Variants in ST7 observed in about 807,000 individuals in gnomAD.
ST7 encodes suppressor of tumorigenicity 7 protein.
Under a neutral mutation model 78.7 loss-of-function variants are expected in ST7, and 28 were observed. That is an observed-to-expected ratio of 0.36 (90% CI 0.26 to 0.49). The LOEUF (loss-of-function observed/expected upper bound fraction) is 0.49, where lower values mean the gene tolerates loss of function less well. Ranked by LOEUF, ST7 falls within the 20% of genes least tolerant of loss-of-function variation. The pLI is 0.99. For synonymous variants in ST7, 247 were observed against 249.6 expected (o/e 0.99, Z 0.10); for missense variants, 418 against 696.0 (o/e 0.60, Z 4.49).
chr7:117,229,948 A>G lies in ST7; in HGVS notation c.*91A>G. The G allele has an allele frequency of 8.8e-7, 1 of 1,136,996 alleles. No individual in the cohort carries two copies. Among genetic ancestry groups the G allele is most frequent in the Non-Finnish European group, 1.3e-6 (1 of 744,180 alleles). The allele number at this position is 1,136,996 out of a possible 1,614,324, so 70.4% of individuals were successfully genotyped here. A position where few individuals can be genotyped will look rare whatever the true frequency, so the allele number is the denominator to read the frequency against. ...TGGACCGCAAGAAAGCATGACTTTGAAAAAGGGAAGCCATTCCGAGATTTT... is the reference window on the plus strand; with the variant it reads ...TGGACCGCAAGAAAGCATGACTTTGGAAAAGGGAAGCCATTCCGAGATTTT... On this transcript the variant is annotated 3_prime_UTR_variant, in exon 16 of 16. Transcript: ENST00000323984.
chr7:117,029,242 A>C (rs956309562), intron 1 of ST7, among the ~76,000 whole-genome samples: 2 of 152,132 alleles, frequency 1.3e-5, no homozygotes, highest in Non-Finnish European at 2.9e-5. Context: ...CTTGCTTCAA[A>C]TTCTTGCCAA....
intron 1 of ST7, among the ~76,000 whole-genome samples, chr7:116,973,168 G>C (rs1165556856): frequency 6.6e-6 from 1 of 151,776 alleles, no homozygotes; most frequent in African/African-American, 2.4e-5. Context: ...ATGATAGTGG[G>C]TTTTTCTTTT....
intron 1 of ST7, among the ~76,000 whole-genome samples, chr7:117,079,716 T>C (rs1799612818): frequency 6.6e-6 from 1 of 152,162 alleles, no homozygotes; most frequent in Non-Finnish European, 1.5e-5. Flanking sequence ...ATAAAACAAG[T>C]GTGTTTAAAA....
chr7:117,097,241 G>A (rs1363656128), intron 1 of ST7, among the ~76,000 whole-genome samples: 2 of 151,220 alleles, frequency 1.3e-5, no homozygotes, highest in African/African-American at 4.9e-5. Flanking sequence ...ATGGTGTTCA[G>A]TTTGTTTGCA....
At chr7:117,159,029 A>T (rs965288723) in intron 9 of ST7, among the ~76,000 whole-genome samples, 2 of 152,174 alleles carry the variant, frequency 1.3e-5, no homozygotes, top group Non-Finnish European at 2.9e-5. Context: ...GTATGTAAGA[A>T]TTTTCCCATT....
intron 1 of ST7, among the ~76,000 whole-genome samples, chr7:117,057,612 A>G (rs1031394178): frequency 3.3e-5 from 5 of 152,184 alleles, no homozygotes; most frequent in East Asian, 1.9e-4. Context: ...TAATTGCCCA[A>G]TTGAAGATGT....
chr7:117,051,333 A>T (rs978670183), intron 1 of ST7, among the ~76,000 whole-genome samples: 6 of 152,212 alleles, frequency 3.9e-5, no homozygotes, highest in African/African-American at 1.4e-4. Context: ...TGGTCAGAGA[A>T]AGCCTTTCTG....
intron 1 of ST7, among the ~76,000 whole-genome samples, chr7:117,030,887 A>G (rs1026326623): frequency 6.6e-6 from 1 of 152,174 alleles, no homozygotes; most frequent in Non-Finnish European, 1.5e-5. Context: ...ACATGCATGC[A>G]TATGTTCACT....
At chr7:116,955,876 A>G (rs1328296689) in intron 1 of ST7, among the ~76,000 whole-genome samples, 1 of 152,166 alleles carries the variant, frequency 6.6e-6, no homozygotes, top group Non-Finnish European at 1.5e-5. Context: ...AAATATGAAG[A>G]TGAACGTGCC....
At chr7:117,084,627 G>A (rs1490371881) in intron 1 of ST7, among the ~76,000 whole-genome samples, 1 of 152,154 alleles carries the variant, frequency 6.6e-6, no homozygotes, top group Non-Finnish European at 1.5e-5. Context: ...ATACAGACAG[G>A]ATAATAACAC....
At chr7:117,182,256 A>G (rs1808828639) in intron 10 of ST7, among the ~76,000 whole-genome samples, 1 of 152,178 alleles carries the variant, frequency 6.6e-6, no homozygotes, top group South Asian at 2.1e-4. Context: ...TGCTCTGAGG[A>G]TTAAATAGGA....
At chr7:116,995,004 C>T (rs1794589267) in intron 1 of ST7, among the ~76,000 whole-genome samples, 1 of 152,008 alleles carries the variant, frequency 6.6e-6, no homozygotes. Context: ...TTGGGTTTAG[C>T]CCATGGGAGG....
At chr7:117,123,055 T>C (rs1377975364) in intron 3 of ST7, among the ~76,000 whole-genome samples, 1 of 152,178 alleles carries the variant, frequency 6.6e-6, no homozygotes, top group Non-Finnish European at 1.5e-5. Flanking sequence ...GGTGAATCTA[T>C]TGATTTTCTT....
At chr7:117,149,923 C>T (rs1347840833) in intron 9 of ST7, among the ~76,000 whole-genome samples, 1 of 152,130 alleles carries the variant, frequency 6.6e-6, no homozygotes, top group Non-Finnish European at 1.5e-5. Flanking sequence ...CCTCAAATGT[C>T]AGTACCTGGA....
intron 2 of ST7, among the ~76,000 whole-genome samples, chr7:117,108,701 T>A (rs764794213): frequency 2.0e-5 from 3 of 152,210 alleles, no homozygotes; most frequent in Non-Finnish European, 2.9e-5. Context: ...ATTTTCTCAA[T>A]GTTGATTCTA....
At chr7:117,106,064 T>A (rs954465964) in intron 2 of ST7, among the ~76,000 whole-genome samples, 2 of 152,060 alleles carry the variant, frequency 1.3e-5, no homozygotes, top group Non-Finnish European at 2.9e-5. Flanking sequence ...AGTGGCGCAA[T>A]CTCGGCTCAC....
intron 12 of ST7, among the ~76,000 whole-genome samples, chr7:117,191,221 G>C (rs1313503756): frequency 6.6e-6 from 1 of 152,090 alleles, no homozygotes; most frequent in African/African-American, 2.4e-5. Context: ...TCCCGGGAGT[G>C]TTGACACATT....
At chr7:117,177,194 G>A (rs376853599) in intron 10 of ST7, among the ~76,000 whole-genome samples, 1 of 152,166 alleles carries the variant, frequency 6.6e-6, no homozygotes, top group Non-Finnish European at 1.5e-5. Flanking sequence ...GTCCTTTGAG[G>A]TTACTTTAGA....
chr7:117,203,421 C>T (rs955728900), intron 12 of ST7, among the ~76,000 whole-genome samples: 1 of 152,174 alleles, frequency 6.6e-6, no homozygotes, highest in Non-Finnish European at 1.5e-5. Flanking sequence ...TTGGCAGTTA[C>T]CATCATGTTA....
Sources: allele counts gnomAD v4.1 joint callset (sites outside exome capture counted in the v4.1 genomes callset), GRCh38; gene constraint gnomAD v4.1.1; transcripts MANE v1.5; gene names NCBI Gene and HGNC (gene_info 2026-07-23, HGNC 2026-07-21).